The following USP31 variants were observed in gnomAD, a reference collection of about 807,000 sequenced individuals.
USP31 encodes ubiquitin specific peptidase 31.
A neutral mutation model predicts 119.4 loss-of-function variants in USP31; 44 were observed. That is an observed-to-expected ratio of 0.37 (90% confidence interval 0.29 to 0.47). USP31 has a LOEUF of 0.47. USP31 is among the 20% of genes least tolerant of loss of function. The pLI, the probability that USP31 is intolerant of heterozygous loss-of-function variation, is 0.99. For synonymous variants in USP31, 749 were observed against 705.6 expected, an observed-to-expected ratio of 1.06 and a Z score of -0.97; for missense variants, 1,643 against 1,730.2, an observed-to-expected ratio of 0.95 and a Z score of 0.89.
intron 1 of USP31, among the ~76,000 whole-genome samples, chr16:23,118,608 C>T (rs1461542531): frequency 6.6e-6 from 1 of 152,034 alleles, no homozygotes; most frequent in Non-Finnish European, 1.5e-5. Flanking sequence ...TCTTACATTA[C>T]GTTTTATTCA....
In USP31 at chr16:23,090,695, T is replaced by C. The variant is rs774156239; in HGVS notation, c.1344A>G (p.Thr448=). 9.3e-6 allele frequency: 15 copies of C among 1,614,168 alleles called. No individual in the cohort carries two copies. The East Asian group carries it at 2.9e-4, about 31-fold the overall frequency. Residue 448 remains threonine (T), a synonymous_variant, in exon 7 of 16, where the codon ACA becomes ACG. Coordinates refer to ENST00000219689, the MANE Select transcript of USP31 (RefSeq NM_020718.4). ...CAATCTTGTCGCTGCCTGCTCTTGA[T>C]GTGGGAGAATCCATTTTCCCCTGCT... ...AAKQGKMDSP[T]SRAGSDKIVL...
At chr16:23,091,726 T>C (rs1901371364) in intron 6 of USP31, among the ~76,000 whole-genome samples, 1 of 152,046 alleles carries the variant, frequency 6.6e-6, no homozygotes, top group South Asian at 2.1e-4. Flanking sequence ...CAATATAAAT[T>C]CCAGATAGAG....
At position 23,063,919 on chromosome 16, in the gene USP31, A is replaced by G. The variant is rs943127655; in HGVS notation, c.*4127T>C. The G allele has an allele frequency of 6.6e-6, 1 of 152,270 alleles. No homozygotes were observed. Among genetic ancestry groups the G allele is most frequent in the Admixed American group, 6.5e-5 (1 of 15,286 alleles). 9.4% of individuals were successfully genotyped at this position (152,270 alleles called of 1,614,324 possible). A position where few individuals can be genotyped will look rare whatever the true frequency, so the allele number is the denominator to read the frequency against. On this transcript the variant is annotated 3_prime_UTR_variant, in exon 16 of 16. Coordinates refer to ENST00000219689, the MANE Select transcript of USP31 (RefSeq NM_020718.4). ...AAAGTTGATCAAAAGGCAGTGTGAGAGTGTTCATTTAAATAAAACCACTGG... is the reference window on the plus strand; with the variant it reads ...AAAGTTGATCAAAAGGCAGTGTGAGGGTGTTCATTTAAATAAAACCACTGG...
In USP31 at chr16:23,103,553, C is replaced by T. The variant is rs565946828; in HGVS notation, c.1090-1090G>A. Among the ~76,000 whole-genome samples, 19 of 152,296 alleles carry T rather than the reference C, an allele frequency of 1.2e-4. No individual in the cohort carries two copies. In the South Asian group the frequency reaches 3.9e-3, roughly 32 times the overall value. ...TAGTATTAAAGTCAGTAACCCTTCG[C>T]ATTAAGATACCTAGTATGAGATACT... On this transcript the variant is annotated intron_variant, in intron 5 of 15. Transcript: ENST00000219689.
chr16:23,133,444 G>A (rs956366457), intron 1 of USP31, among the ~76,000 whole-genome samples: 5 of 152,190 alleles, frequency 3.3e-5, no homozygotes, highest in African/African-American at 1.2e-4. Flanking sequence ...CTGCACATGA[G>A]GGAGTTGGGG....
chr16:23,086,467 G>A (rs1567230627), intron 9 of USP31, among the ~76,000 whole-genome samples: 1 of 152,106 alleles, frequency 6.6e-6, no homozygotes, highest in Non-Finnish European at 1.5e-5. Flanking sequence ...ACAGCACAGA[G>A]GTAGCAGAGT....
chr16:23,094,702 C>T (rs947341450), intron 6 of USP31, among the ~76,000 whole-genome samples: 4 of 152,082 alleles, frequency 2.6e-5, no homozygotes, highest in Non-Finnish European at 5.9e-5. Flanking sequence ...CTGGTGATAC[C>T]CAGGCAAACA....
rs1903224452 is a variant in USP31 at position 23,137,362 on chromosome 16, G to A, written c.633+11276C>T. 2.0e-5 allele frequency among the ~76,000 whole-genome samples: 3 copies of A among 152,190 alleles called. No homozygotes were observed. The South Asian group carries it at 6.2e-4, about 31-fold the overall frequency. The stretch of plus-strand genomic sequence containing the variant: ...ATTGGTGAGAATGTAAAATGGTGCA[G>A]TTAGTGGAAGATAGTTTGACAGTCC... On this transcript the variant is annotated intron_variant, in intron 1 of 15. Transcript: ENST00000219689.
At chr16:23,134,385 T>C (rs1253542304) in intron 1 of USP31, among the ~76,000 whole-genome samples, 6 of 152,190 alleles carry the variant, frequency 3.9e-5, no homozygotes, top group Non-Finnish European at 7.3e-5. Flanking sequence ...CCTGATGGCA[T>C]GCCAGGCCCC....
chr16:23,082,831 C>CTTTTTT lies in USP31; in HGVS notation c.1831-280_1831-275dup, dbSNP rs71151692. ...TAAATATGTTACTTTCTTTCTCTCTCTTTTTTTTTTTTTTTTTGAAACAGA... is the reference window on the plus strand; with the variant it reads ...TAAATATGTTACTTTCTTTCTCTCTCTTTTTTTTTTTTTTTTTTTTTTTGAAACAGA... On this transcript the variant is annotated intron_variant, in intron 11 of 15. Transcript: ENST00000219689. Among the ~76,000 whole-genome samples the CTTTTTT allele has an allele frequency of 1.5e-3, 200 of 129,300 alleles. 4 individuals are homozygous for CTTTTTT. Among genetic ancestry groups the CTTTTTT allele is most frequent in the Non-Finnish European group, 2.7e-3 (169 of 61,668 alleles). 84.8% of individuals were successfully genotyped at this position (129,300 alleles called of 152,430 possible).
intron 1 of USP31, among the ~76,000 whole-genome samples, chr16:23,117,656 T>C (rs931754324): frequency 6.6e-6 from 1 of 152,194 alleles, no homozygotes; most frequent in African/African-American, 2.4e-5. Context: ...TGGTAAAAAC[T>C]TTCTGCTAGA....
In USP31 at chr16:23,068,832, G is replaced by A. The variant is rs749777086; in HGVS notation, c.3273C>T (p.Ala1091=). The change falls in exon 16 of 16, where the codon GCC becomes GCT. Residue 1091 remains alanine, a synonymous_variant. Transcript: ENST00000219689. ...ATGACTCCTTTTTGGGTTGGGCAGG[G>A]GCAGGGGATGAATGCCGTCCACTGC... ...SRGSGRHSSP[A]PAQPKKESSP... The A allele has an allele frequency of 6.4e-7, 1 of 1,562,312 alleles. No individual in the cohort carries two copies. The highest frequency in any genetic ancestry group is 1.2e-5 in the South Asian group (1 of 80,480).
At chr16:23,116,974 T>C (rs1902505105) in intron 1 of USP31, among the ~76,000 whole-genome samples, 1 of 152,176 alleles carries the variant, frequency 6.6e-6, no homozygotes, top group South Asian at 2.1e-4. Flanking sequence ...GAACCAAAGG[T>C]ATTTCAGAGT....
At chr16:23,144,071 T>A (rs896255453) in intron 1 of USP31, among the ~76,000 whole-genome samples, 4 of 152,128 alleles carry the variant, frequency 2.6e-5, no homozygotes, top group Non-Finnish European at 5.9e-5. Context: ...AAAACCCAAC[T>A]TTAACAACCA....
chr16:23,107,970 T>C, intron 2 of USP31, 76 bp downstream of exon 2: 4 of 1,502,198 alleles, frequency 2.7e-6, no homozygotes, highest in Non-Finnish European at 3.6e-6. Context: ...ATTAACGCAA[T>C]GCAACAAGTC....
chr16:23,141,882 T>C (rs1225593373), intron 1 of USP31, among the ~76,000 whole-genome samples: 2 of 152,336 alleles, frequency 1.3e-5, no homozygotes, highest in South Asian at 2.1e-4. Context: ...AGATGCTTAA[T>C]TGCTGACAAC....
At chr16:23,089,307 C>T (rs1901250006) in intron 7 of USP31, among the ~76,000 whole-genome samples, 1 of 152,124 alleles carries the variant, frequency 6.6e-6, no homozygotes, top group African/African-American at 2.4e-5. Flanking sequence ...TCTTGCCAGC[C>T]TCCCACCATC....
intron 10 of USP31, 39 bp from the exon 11 acceptor site, chr16:23,085,028 T>C: frequency 6.2e-7 from 1 of 1,607,240 alleles, no homozygotes; most frequent in Non-Finnish European, 8.5e-7. Context: ...GGGAATGTCT[T>C]GCAAAACAGA....
rs1899847050 is a variant in USP31 at position 23,061,904 on chromosome 16, C to T, written c.*6142G>A. 1 of 152,636 alleles carries T rather than the reference C, an allele frequency of 6.6e-6. No homozygotes were observed. The highest frequency in any genetic ancestry group is 2.1e-4 in the South Asian group (1 of 4,830). 9.5% of individuals were successfully genotyped at this position (152,636 alleles called of 1,614,324 possible). ...AGTGGTGAGAGGCACAGTTGGTGAGCAGACCTCTATGGAATGCAAACACGT... is the reference window on the plus strand; with the variant it reads ...AGTGGTGAGAGGCACAGTTGGTGAGTAGACCTCTATGGAATGCAAACACGT... On this transcript the variant is annotated 3_prime_UTR_variant, in exon 16 of 16. Coordinates refer to ENST00000219689, the MANE Select transcript of USP31 (RefSeq NM_020718.4).
Sources: gnomAD v4.1 joint callset for allele counts (sites outside exome capture counted in the v4.1 genomes callset) on GRCh38, gnomAD v4.1.1 for gene constraint, MANE v1.5 for transcripts, NCBI Gene and HGNC (gene_info 2026-07-23, HGNC 2026-07-21) for gene names.